The following DIAPH2 variants were observed in gnomAD, a reference collection of about 807,000 sequenced individuals.
DIAPH2 encodes the protein protein diaphanous homolog 2.
A neutral mutation model predicts 92.7 loss-of-function variants in DIAPH2; 35 were observed. The observed-to-expected ratio is 0.38, with a 90% CI of 0.29 to 0.50. The LOEUF (loss-of-function observed/expected upper bound fraction) is 0.50, where lower values mean the gene tolerates loss of function less well. Ranked by LOEUF, DIAPH2 falls within the 20% of genes least tolerant of loss-of-function variation. The pLI, the probability that DIAPH2 is intolerant of heterozygous loss-of-function variation, is 0.94. For synonymous variants in DIAPH2, 301 were observed against 280.4 expected, an observed-to-expected ratio of 1.07 and a Z score of -0.73; for missense variants, 701 against 819.5, an observed-to-expected ratio of 0.86 and a Z score of 1.77.
intron 26 of DIAPH2, among the ~76,000 whole-genome samples, chrX:97,466,539 ACTTCT>A (rs2070514347): frequency 8.9e-6 from 1 of 111,890 alleles, no homozygotes; most frequent in Non-Finnish European, 1.9e-5. Flanking sequence ...ATGTCAGTAT[ACTTCT>A]CTTCTTATGC....
At chrX:96,836,969 C>T (rs188809552) in intron 4 of DIAPH2, among the ~76,000 whole-genome samples, 2,705 of 105,153 alleles carry the variant, frequency 0.026, 35 homozygotes, top group Non-Finnish European at 0.038. Flanking sequence ...CCTCGTGATC[C>T]GCCCGCCTCA....
At chrX:97,194,731 CAATT>C (rs897386974) in intron 22 of DIAPH2, among the ~76,000 whole-genome samples, 11 of 111,708 alleles carry the variant, frequency 9.8e-5, no homozygotes, top group Admixed American at 3.8e-4. Context: ...AAATCATAAA[CAATT>C]AAATGTGATT....
rs1162478259 is a variant in DIAPH2, at chrX:97,039,763, T to C, written c.2051-33178T>C. On this transcript the variant is annotated intron_variant, in intron 17 of 26. Coordinates refer to ENST00000324765, the MANE Select transcript of DIAPH2 (RefSeq NM_006729.5). The stretch of plus-strand genomic sequence containing the variant: ...TATTGACTTGCATGTCTTGTAATGG[T>C]AAAGCAATACGTGGAAGGTATTCAA... Among the ~76,000 whole-genome samples, 7 of 111,434 alleles carry C rather than the reference T, an allele frequency of 6.3e-5. No homozygotes were observed. The Admixed American group carries it at 6.7e-4, about 11-fold the overall frequency.
At chrX:96,924,338 G>C (rs907439537) in intron 9 of DIAPH2, among the ~76,000 whole-genome samples, 1 of 111,712 alleles carries the variant, frequency 9.0e-6, no homozygotes, top group African/African-American at 3.3e-5. Context: ...GTACAATGTA[G>C]TCATTTTTGG....
intron 26 of DIAPH2, among the ~76,000 whole-genome samples, chrX:97,541,148 T>G (rs1172843410): frequency 9.0e-6 from 1 of 111,676 alleles, no homozygotes; most frequent in Non-Finnish European, 1.9e-5. Flanking sequence ...CTCCAAAATA[T>G]TAAGCGACAA....
At chrX:97,317,493 CTGA>C (rs2059445852) in intron 23 of DIAPH2, among the ~76,000 whole-genome samples, 1 of 111,603 alleles carries the variant, frequency 9.0e-6, no homozygotes, top group African/African-American at 3.2e-5. Flanking sequence ...TTATGATTAC[CTGA>C]TGATAATTCA....
intron 22 of DIAPH2, among the ~76,000 whole-genome samples, chrX:97,155,683 G>A (rs1036491968): frequency 9.0e-6 from 1 of 111,008 alleles, no homozygotes; most frequent in Non-Finnish European, 1.9e-5. Context: ...GAGAATATTG[G>A]CATCCTTATG....
intron 17 of DIAPH2, among the ~76,000 whole-genome samples, chrX:97,060,633 A>T (rs1438594330): frequency 8.9e-6 from 1 of 111,754 alleles, no homozygotes; most frequent in Non-Finnish European, 1.9e-5. Context: ...ATGCCTTTAT[A>T]AACAGTATAG....
intron 1 of DIAPH2, among the ~76,000 whole-genome samples, chrX:96,717,086 C>T (rs192319398): frequency 7.4e-4 from 83 of 111,546 alleles, no homozygotes; most frequent in Middle Eastern, 4.6e-3. Flanking sequence ...CTTCTTCTAC[C>T]GATCGTTTAC....
At chrX:97,368,983 G>T (rs1385193596) in intron 24 of DIAPH2, among the ~76,000 whole-genome samples, 1 of 89,952 alleles carries the variant, frequency 1.1e-5, no homozygotes, top group South Asian at 6.3e-4. Flanking sequence ...TTGGCTCACT[G>T]CACAACCTCC....
intron 4 of DIAPH2, among the ~76,000 whole-genome samples, chrX:96,782,626 G>A (rs765960532): frequency 1.1e-4 from 12 of 111,077 alleles, no homozygotes; most frequent in Non-Finnish European, 1.5e-4. Flanking sequence ...TAGAGATGGG[G>A]TTTCGCCATG....
intron 22 of DIAPH2, among the ~76,000 whole-genome samples, chrX:97,209,019 T>C (rs1339737772): frequency 9.0e-6 from 1 of 110,897 alleles, no homozygotes; most frequent in Non-Finnish European, 1.9e-5. Flanking sequence ...TCATTTCTAA[T>C]TATTATGTAA....
chrX:97,426,595 T>G (rs2070067468), intron 25 of DIAPH2, among the ~76,000 whole-genome samples: 1 of 110,857 alleles, frequency 9.0e-6, no homozygotes, highest in Non-Finnish European at 1.9e-5. Context: ...CGGCTAAAAT[T>G]TCCCTGCCTT....
At chrX:97,588,851 A>G in intron 26 of DIAPH2, among the ~76,000 whole-genome samples, 1 of 105,328 alleles carries the variant, frequency 9.5e-6, no homozygotes, top group East Asian at 3.0e-4. Context: ...TTTAGAGATT[A>G]TTGGATCCTA....
chrX:96,947,533 G>T (rs1272228307), intron 14 of DIAPH2, among the ~76,000 whole-genome samples: 1 of 111,136 alleles, frequency 9.0e-6, no homozygotes, highest in Non-Finnish European at 1.9e-5. Flanking sequence ...GCCAGGATCT[G>T]TGGGACATTT....
At chrX:97,246,421 A>G (rs1263543519) in intron 22 of DIAPH2, among the ~76,000 whole-genome samples, 1 of 112,457 alleles carries the variant, frequency 8.9e-6, no homozygotes, top group Non-Finnish European at 1.9e-5. Context: ...AATAAAGAAT[A>G]ATTTCCAAGC....
intron 5 of DIAPH2, among the ~76,000 whole-genome samples, chrX:96,887,818 A>G (rs2065273805): frequency 8.9e-6 from 1 of 111,815 alleles, no homozygotes; most frequent in African/African-American, 3.2e-5. Context: ...TTAAGTGTTA[A>G]CTTTAATTTT....
rs753287804 is a variant in DIAPH2 at position 97,597,590 on chromosome X, G to A, written c.3242-1663G>A. On this transcript the variant is annotated intron_variant, in intron 26 of 26. Coordinates refer to ENST00000324765, the MANE Select transcript of DIAPH2 (RefSeq NM_006729.5). Reference sequence around the variant, plus strand: ...AGCATGATCCTCTGGGAATGCTACCGTCATTCTCACGTCTGGTAGCTTTAA... The same window carrying A: ...AGCATGATCCTCTGGGAATGCTACCATCATTCTCACGTCTGGTAGCTTTAA... Among the ~76,000 whole-genome samples, 26 of 111,899 alleles carry A rather than the reference G, an allele frequency of 2.3e-4. No homozygotes were observed. In the East Asian group the frequency reaches 3.4e-3, roughly 15 times the overall value.
intron 21 of DIAPH2, among the ~76,000 whole-genome samples, chrX:97,131,265 T>C (rs2067136478): frequency 9.0e-6 from 1 of 111,625 alleles, no homozygotes; most frequent in Non-Finnish European, 1.9e-5. Context: ...TCAACTAATA[T>C]ACAGCATGGA....
Sources: gnomAD v4.1 joint callset for allele counts (sites outside exome capture counted in the v4.1 genomes callset) on GRCh38, gnomAD v4.1.1 for gene constraint, MANE v1.5 for transcripts, NCBI Gene and HGNC (gene_info 2026-07-23, HGNC 2026-07-21) for gene names.